CTSB: variants seen among roughly 807,000 people sequenced by gnomAD.
CTSB encodes the protein cathepsin B.
CTSB carries 57 observed loss-of-function variants against 44.3 expected under a neutral mutation model. The ratio of observed to expected loss-of-function variants is 1.29; its 90% CI spans 1.04 to 1.60. CTSB has a LOEUF of 1.60. CTSB is among the 40% of genes most tolerant of loss of function. CTSB has a pLI of 0.00. For missense variants in CTSB, 768 were observed against 443.0 expected, an observed-to-expected ratio of 1.73 and a Z score of -6.59; for synonymous variants, 320 against 168.0, an observed-to-expected ratio of 1.91 and a Z score of -7.00.
Position 11,845,695 on chromosome 8 carries a change from A to T in CTSB, c.888T>A (p.Val296=), listed in dbSNP as rs1309871807. 6.2e-7 allele frequency: 1 copy of T among 1,613,942 alleles called. No homozygotes were observed. Among genetic ancestry groups the T allele is most frequent in the African/African-American group, 1.3e-5 (1 of 74,946 alleles). ...GVENGTPYWL[V]ANSWNTDWGD... is the part of the protein sequence containing the mutation. ...CCCAGTCAGTGTTCCAGGAGTTGGC[A>T]ACCAGCCAGTAGGGTGTGCCATTCT... The change falls in exon 9 of 10, where the codon GTT becomes GTA. Residue 296 remains valine (V), a synonymous_variant. Transcript: ENST00000353047.
chr8:11,845,138 C>T lies in CTSB; in HGVS notation c.1007G>A (p.Trp336Ter), dbSNP rs745515581. Residue 336 changes from tryptophan to a stop codon, truncating the protein, a stop_gained, in exon 10 of 10, where the codon TGG becomes TAG. Transcript: ENST00000353047. LOFTEE classifies it high-confidence loss of function. ...VAGIPRTDQYWEKI is the reference protein window; with the variant it reads ...VAGIPRTDQY Reference sequence around the variant, plus strand: ...GCCCACGGCAGATTAGATCTTTTCCCAGTACTGATCGGTGCGTGGAATTCC... The same window carrying T: ...GCCCACGGCAGATTAGATCTTTTCCTAGTACTGATCGGTGCGTGGAATTCC... 5 of 1,612,958 alleles carry T rather than the reference C, an allele frequency of 3.1e-6. No homozygotes were observed. Among genetic ancestry groups the T allele is most frequent in the Non-Finnish European group, 4.2e-6 (5 of 1,178,922 alleles).
chr8:11,845,561 G>T, intron 9 of CTSB, 100 bp downstream of exon 9: 1 of 1,425,476 alleles, frequency 7.0e-7, no homozygotes. Context: ...GTAGGTCCAG[G>T]GTTTAAGGCT....
intron 1 of CTSB, among the ~76,000 whole-genome samples, chr8:11,865,956 TGGC>T (rs978756613): frequency 7.6e-6 from 1 of 130,878 alleles, no homozygotes; most frequent in African/African-American, 3.0e-5. Context: ...GAGGCGGAGG[TGGC>T]AGTGAACCGA....
At chr8:11,859,338 T>C (rs770700470) in intron 1 of CTSB, among the ~76,000 whole-genome samples, 5 of 151,754 alleles carry the variant, frequency 3.3e-5, no homozygotes, top group Non-Finnish European at 5.9e-5. Context: ...CCAGGACAAA[T>C]AGGGACCTTG....
At chr8:11,864,327 A>AG (rs1454158165) in intron 1 of CTSB, 1 of 149,790 alleles carries the variant, frequency 6.7e-6, no homozygotes, top group Non-Finnish European at 1.5e-5. Context: ...CGAAAAAAAA[A>AG]AAAAAAAAAA....
intron 1 of CTSB, among the ~76,000 whole-genome samples, chr8:11,858,107 C>G (rs954005435): frequency 3.3e-5 from 5 of 152,150 alleles, no homozygotes; most frequent in Non-Finnish European, 5.9e-5. Context: ...AGGTGGCAGT[C>G]AAGAATGAAA....
Position 11,844,722 on chromosome 8 carries a change from G to A in CTSB, c.*403C>T, listed in dbSNP as rs986434039. On this transcript the variant is annotated 3_prime_UTR_variant, in exon 10 of 10. Coordinates refer to ENST00000353047, the MANE Select transcript of CTSB (RefSeq NM_001908.5). ...CTCTCCTCTGATTTCTGTGACAAAT[G>A]TGGAAAGCTACTTGCTTGGAGGTAC... 2.3e-5 allele frequency: 4 copies of A among 172,428 alleles called. No individual in the cohort carries two copies. Among genetic ancestry groups the A allele is most frequent in the Middle Eastern group, 2.6e-3 (1 of 386 alleles). 10.7% of individuals were successfully genotyped at this position (172,428 alleles called of 1,614,324 possible).
intron 8 of CTSB, 144 bp from the exon 9 acceptor site, chr8:11,845,933 G>T (rs533281358): frequency 4.4e-6 from 4 of 919,462 alleles, no homozygotes; most frequent in Non-Finnish European, 6.1e-6. Flanking sequence ...GCTCCAGGGG[G>T]GGTCCCACAA....
chr8:11,853,096 C>T (rs924096087), intron 2 of CTSB, among the ~76,000 whole-genome samples: 24 of 152,158 alleles, frequency 1.6e-4, no homozygotes, highest in African/African-American at 5.8e-4. Flanking sequence ...CCTCCACGTG[C>T]ACACAACCAT....
At chr8:11,849,000 G>T in intron 5 of CTSB, 46 bp downstream of exon 5, 1 of 1,418,066 alleles carries the variant, frequency 7.1e-7, no homozygotes, top group Non-Finnish European at 9.9e-7. Flanking sequence ...CTGGGGCCCA[G>T]GGTCTCTCAG....
chr8:11,847,584 G>C (rs763347069), intron 7 of CTSB, 95 bp downstream of exon 7: 9 of 1,368,272 alleles, frequency 6.6e-6, no homozygotes, highest in Non-Finnish European at 8.8e-6. Flanking sequence ...GGACCCCAAG[G>C]CTCCTCAGCC....
At chr8:11,857,299 T>C (rs1032843230) in intron 1 of CTSB, among the ~76,000 whole-genome samples, 1 of 152,162 alleles carries the variant, frequency 6.6e-6, no homozygotes, top group African/African-American at 2.4e-5. Flanking sequence ...ATTACAGGCA[T>C]GAGCCACTGG....
Position 11,847,125 on chromosome 8 carries a change from C to T in CTSB, c.720G>A (p.Met240Ile), listed in dbSNP as rs891468387. Reference sequence around the variant, plus strand: ...CGGGGCCGTTTTTGTAGATCTCGGCCATGATGTCCTTCTCGCTATTGGAGA... The same window carrying T: ...CGGGGCCGTTTTTGTAGATCTCGGCTATGATGTCCTTCTCGCTATTGGAGA... Reference protein sequence around the residue: ...YSVSNSEKDIMAEIYKNGPVE... With the variant: ...YSVSNSEKDIIAEIYKNGPVE... The change falls in exon 8 of 10, where the codon ATG becomes ATA. Residue 240 changes from methionine (M) to isoleucine (I), a missense_variant. Transcript: ENST00000353047. 20 of 1,589,642 alleles carry T rather than the reference C, an allele frequency of 1.3e-5. No homozygotes were observed. The highest frequency in any genetic ancestry group is 2.3e-5 in the East Asian group (1 of 43,830).
chr8:11,859,665 G>A (rs1816074498), intron 1 of CTSB, among the ~76,000 whole-genome samples: 2 of 151,048 alleles, frequency 1.3e-5, no homozygotes, highest in African/African-American at 4.9e-5. Context: ...CTACTTGGGA[G>A]GCTGAGGCAG....
intron 1 of CTSB, among the ~76,000 whole-genome samples, chr8:11,858,113 T>C (rs1203714165): frequency 6.6e-6 from 1 of 152,116 alleles, no homozygotes; most frequent in Admixed American, 6.6e-5. Context: ...CAGTCAAGAA[T>C]GAAATGAGGA....
intron 1 of CTSB, among the ~76,000 whole-genome samples, chr8:11,858,967 G>C (rs1285228682): frequency 6.6e-6 from 1 of 152,088 alleles, no homozygotes; most frequent in Non-Finnish European, 1.5e-5. Context: ...ATTTCACGAG[G>C]GAAGGATGTG....
rs1188190871 is a variant in CTSB at position 11,844,030 on chromosome 8, C to G, written c.*1095G>C. 5 of 152,164 alleles carry G rather than the reference C, an allele frequency of 3.3e-5. No homozygotes were observed. Among genetic ancestry groups the G allele is most frequent in the African/African-American group, 1.2e-4 (5 of 41,422 alleles). 9.4% of individuals were successfully genotyped at this position (152,164 alleles called of 1,614,324 possible). On this transcript the variant is annotated 3_prime_UTR_variant, in exon 10 of 10. Coordinates refer to ENST00000353047, the MANE Select transcript of CTSB (RefSeq NM_001908.5). ...CCTGGGAGACGGAATCTCACTCTGT[C>G]AGTCACAACAACAACAAAAAAATAG... is the stretch of plus-strand genomic sequence containing the variant.
intron 3 of CTSB, among the ~76,000 whole-genome samples, chr8:11,852,303 A>G (rs1393659379): frequency 6.6e-6 from 1 of 152,150 alleles, no homozygotes; most frequent in African/African-American, 2.4e-5. Flanking sequence ...CCCGGGAGAC[A>G]GAGTTTGCAG....
rs1360183173 is a variant in CTSB at position 11,843,352 on chromosome 8, G to GTCA, written c.*1770_*1772dup. 2 of 152,198 alleles carry GTCA rather than the reference G, an allele frequency of 1.3e-5. No homozygotes were observed. The highest frequency in any genetic ancestry group is 4.8e-5 in the African/African-American group (2 of 41,442). 9.4% of individuals were successfully genotyped at this position (152,198 alleles called of 1,614,324 possible). On this transcript the variant is annotated 3_prime_UTR_variant, in exon 10 of 10. Transcript: ENST00000353047. ...CTAGCATCTGGTTCCTAAATTCTGA[G>GTCA]TCACATCAGAAGCCAAACTTGAATG...
Sources: gnomAD v4.1 joint callset for allele counts (sites outside exome capture counted in the v4.1 genomes callset) on GRCh38, gnomAD v4.1.1 for gene constraint, MANE v1.5 for transcripts, NCBI Gene and HGNC (gene_info 2026-07-23, HGNC 2026-07-21) for gene names.